The following LMX1A variants were observed in gnomAD, a reference collection of about 807,000 sequenced individuals.
The protein encoded by LMX1A is LIM homeobox transcription factor 1-alpha.
In LMX1A, 15 loss-of-function variants were observed where a neutral mutation model predicts 49.1. That is an observed-to-expected ratio of 0.31 (90% CI 0.20 to 0.47). The LOEUF (loss-of-function observed/expected upper bound fraction) is 0.47, where lower values mean the gene tolerates loss of function less well. LMX1A is among the 20% of genes least tolerant of loss of function. LMX1A has a pLI of 1.00. For synonymous variants in LMX1A, 167 were observed against 185.7 expected, an observed-to-expected ratio of 0.90 and a Z score of 0.82; for missense variants, 372 against 475.8, an observed-to-expected ratio of 0.78 and a Z score of 2.03.
chr1:165,227,261 G>A (rs1192141223), intron 4 of LMX1A, among the ~76,000 whole-genome samples: 1 of 152,190 alleles, frequency 6.6e-6, no homozygotes, highest in Non-Finnish European at 1.5e-5. Context: ...GAGCCAACCA[G>A]GCACAGTGGC....
chr1:165,254,870 T>A (rs955546951), intron 3 of LMX1A, among the ~76,000 whole-genome samples: 1 of 152,204 alleles, frequency 6.6e-6, no homozygotes, highest in Non-Finnish European at 1.5e-5. Flanking sequence ...CACCCAACTT[T>A]CCTTGATGTC....
intron 3 of LMX1A, among the ~76,000 whole-genome samples, chr1:165,339,429 G>A (rs1656000353): frequency 6.6e-6 from 1 of 152,176 alleles, no homozygotes; most frequent in African/African-American, 2.4e-5. Flanking sequence ...TTGGCCATGT[G>A]GTGGTATACT....
chr1:165,337,342 G>C (rs1428472117), intron 3 of LMX1A, among the ~76,000 whole-genome samples: 1 of 152,178 alleles, frequency 6.6e-6, no homozygotes, highest in Non-Finnish European at 1.5e-5. Flanking sequence ...AGGGAAGATT[G>C]AAAAGCAACT....
At chr1:165,356,145 C>T (rs536264651) in intron 1 of LMX1A, 1 of 152,516 alleles carries the variant, frequency 6.6e-6, no homozygotes, top group South Asian at 2.1e-4. Flanking sequence ...TGGCGCTGCG[C>T]TCTGTTGGGG....
chr1:165,341,680 T>C (rs1352311891), intron 3 of LMX1A, among the ~76,000 whole-genome samples: 1 of 152,082 alleles, frequency 6.6e-6, no homozygotes, highest in Non-Finnish European at 1.5e-5. Flanking sequence ...GGAATTTAGA[T>C]AACCTGGTTT....
chr1:165,239,968 A>G (rs542581269), intron 4 of LMX1A, among the ~76,000 whole-genome samples: 1 of 152,326 alleles, frequency 6.6e-6, no homozygotes, highest in Admixed American at 6.5e-5. Context: ...AAACGTGGGA[A>G]TAGGTTTGCA....
chr1:165,306,885 C>A (rs1031076520), intron 3 of LMX1A, among the ~76,000 whole-genome samples: 1 of 152,244 alleles, frequency 6.6e-6, no homozygotes, highest in Admixed American at 6.5e-5. Flanking sequence ...CGCCATACCA[C>A]CCTCCTCCGC....
chr1:165,282,146 C>G (rs1177923127), intron 3 of LMX1A, among the ~76,000 whole-genome samples: 1 of 152,198 alleles, frequency 6.6e-6, no homozygotes, highest in African/African-American at 2.4e-5. Flanking sequence ...CCCAGGTCAT[C>G]CATTCAGCCT....
intron 3 of LMX1A, among the ~76,000 whole-genome samples, chr1:165,325,674 C>G (rs904306699): frequency 1.3e-5 from 2 of 152,076 alleles, no homozygotes. Context: ...TGCCTCCCCC[C>G]TCCCTCTCTC....
chr1:165,300,566 G>C (rs1176680525), intron 3 of LMX1A, among the ~76,000 whole-genome samples: 1 of 152,128 alleles, frequency 6.6e-6, no homozygotes, highest in Non-Finnish European at 1.5e-5. Flanking sequence ...CATTAAGCAG[G>C]AAGGACCAAT....
At chr1:165,341,589 AATAT>A (rs5778445) in intron 3 of LMX1A, among the ~76,000 whole-genome samples, 2,199 of 146,478 alleles carry the variant, frequency 0.015, 45 homozygotes, top group African/African-American at 0.051. Flanking sequence ...CAATAAACCA[AATAT>A]ATATATATAT....
chr1:165,313,644 G>C (rs1188428748), intron 3 of LMX1A, among the ~76,000 whole-genome samples: 1 of 152,038 alleles, frequency 6.6e-6, no homozygotes, highest in African/African-American at 2.4e-5. Context: ...CCTGAAGGGA[G>C]CAGTTACCAG....
At chr1:165,304,362 A>G (rs1328718112) in intron 3 of LMX1A, among the ~76,000 whole-genome samples, 2 of 152,156 alleles carry the variant, frequency 1.3e-5, no homozygotes, top group Non-Finnish European at 2.9e-5. Context: ...TAACCATGAG[A>G]GTTGGTTCAG....
rs1429074527 is a variant in LMX1A, at chr1:165,203,156, A to G, written c.*724T>C. Reference sequence around the variant, plus strand: ...CCTGCCCAGTGATTCAACCCCAAAGAGAGCAAGAATGCAAGAGAGAACACC... The same window carrying G: ...CCTGCCCAGTGATTCAACCCCAAAGGGAGCAAGAATGCAAGAGAGAACACC... On this transcript the variant is annotated 3_prime_UTR_variant, in exon 9 of 9. Coordinates refer to ENST00000342310, the MANE Select transcript of LMX1A (RefSeq NM_177398.4). 1 of 152,500 alleles carries G rather than the reference A, an allele frequency of 6.6e-6. No individual in the cohort carries two copies. The highest frequency in any genetic ancestry group is 2.4e-5 in the African/African-American group (1 of 41,440). 9.4% of individuals were successfully genotyped at this position (152,500 alleles called of 1,614,324 possible). A position where few individuals can be genotyped will look rare whatever the true frequency, so the allele number is the denominator to read the frequency against.
At chr1:165,247,029 G>A (rs935244469) in intron 4 of LMX1A, among the ~76,000 whole-genome samples, 1 of 93,234 alleles carries the variant, frequency 1.1e-5, no homozygotes, top group Admixed American at 1.3e-4. Context: ...ATCTGTAAAT[G>A]TTACTTAGAT....
At chr1:165,344,453 G>C (rs925682661) in intron 3 of LMX1A, among the ~76,000 whole-genome samples, 4 of 152,218 alleles carry the variant, frequency 2.6e-5, no homozygotes, top group Non-Finnish European at 5.9e-5. Flanking sequence ...TTGTTCCACT[G>C]TCAAAACCAG....
intron 3 of LMX1A, among the ~76,000 whole-genome samples, chr1:165,292,762 A>G (rs1654510281): frequency 6.6e-6 from 1 of 152,022 alleles, no homozygotes. Flanking sequence ...AGGGCTATAG[A>G]TTTTCCACTC....
chr1:165,269,081 A>C (rs1653710623), intron 3 of LMX1A, among the ~76,000 whole-genome samples: 1 of 152,170 alleles, frequency 6.6e-6, no homozygotes, highest in Non-Finnish European at 1.5e-5. Context: ...TTCCTGTTTC[A>C]CCACTTACTC....
At chr1:165,325,228 G>T (rs1451129345) in intron 3 of LMX1A, among the ~76,000 whole-genome samples, 1 of 152,112 alleles carries the variant, frequency 6.6e-6, no homozygotes, top group Non-Finnish European at 1.5e-5. Context: ...TGGCCTCCCA[G>T]ACTTGTATAA....
Sources: gnomAD v4.1 joint callset for allele counts (sites outside exome capture counted in the v4.1 genomes callset) on GRCh38, gnomAD v4.1.1 for gene constraint, MANE v1.5 for transcripts, NCBI Gene and HGNC (gene_info 2026-07-23, HGNC 2026-07-21) for gene names.